Variants in EYS observed in about 807,000 individuals in gnomAD.
EYS encodes EGF-like photoreceptor maintenance factor, also known as protein eyes shut homolog.
Under a neutral mutation model 282.1 loss-of-function variants are expected in EYS, and 250 were observed. The ratio of observed to expected loss-of-function variants is 0.89; its 90% confidence interval spans 0.80 to 0.98. The LOEUF is 0.98. Among genes scored for constraint, EYS ranks in the 50% least tolerant of loss-of-function variants. EYS has a pLI of 0.00. For synonymous variants in EYS, 1,355 were observed against 1,282.9 expected, an observed-to-expected ratio of 1.06 and a Z score of -1.20; for missense variants, 4,016 against 3,709.0, an observed-to-expected ratio of 1.08 and a Z score of -2.15.
At chr6:65,566,889 A>G (rs554311804) in intron 2 of EYS, among the ~76,000 whole-genome samples, 3 of 152,326 alleles carry the variant, frequency 2.0e-5, no homozygotes, top group Non-Finnish European at 4.4e-5. Context: ...ATTTTTAAAA[A>G]TCAAAGAAAA....
chr6:64,899,013 C>T (rs1767564882), intron 18 of EYS, among the ~76,000 whole-genome samples: 1 of 151,968 alleles, frequency 6.6e-6, no homozygotes, highest in South Asian at 2.1e-4. Flanking sequence ...TAGTGAGAGA[C>T]TTTAACACCC....
At chr6:65,329,966 A>C in intron 11 of EYS, 1 of 978,340 alleles carries the variant, frequency 1.0e-6, no homozygotes, top group Non-Finnish European at 1.2e-6. Context: ...AACATTACAC[A>C]GAAAATGTGA....
intron 12 of EYS, among the ~76,000 whole-genome samples, chr6:65,099,574 C>A (rs1447322695): frequency 6.6e-6 from 1 of 150,428 alleles, no homozygotes; most frequent in Non-Finnish European, 1.5e-5. Context: ...TGGGGATGAA[C>A]ACTGCAAAAT....
At chr6:65,524,053 G>A (rs1430855197) in intron 2 of EYS, among the ~76,000 whole-genome samples, 1 of 152,150 alleles carries the variant, frequency 6.6e-6, no homozygotes, top group Non-Finnish European at 1.5e-5. Context: ...TGTATTTTTA[G>A]TAGAGACGGG....
intron 30 of EYS, among the ~76,000 whole-genome samples, chr6:64,233,295 C>T (rs993320528): frequency 6.6e-6 from 1 of 152,046 alleles, no homozygotes; most frequent in Non-Finnish European, 1.5e-5. Context: ...AATTTCATAT[C>T]TGATATATGA....
chr6:65,356,621 T>C (rs752070049), intron 8 of EYS, among the ~76,000 whole-genome samples: 16 of 152,048 alleles, frequency 1.1e-4, no homozygotes, highest in Non-Finnish European at 1.8e-4. Context: ...TCTGTACTTA[T>C]ACCCTTCTAT....
chr6:64,828,353 C>T (rs1583200189), intron 19 of EYS, among the ~76,000 whole-genome samples: 5 of 151,920 alleles, frequency 3.3e-5, no homozygotes, highest in Middle Eastern at 3.4e-3. Flanking sequence ...AAAGAGATAA[C>T]GGACATGGAT....
chr6:65,154,146 T>C (rs1054971364), intron 12 of EYS, among the ~76,000 whole-genome samples: 1 of 151,790 alleles, frequency 6.6e-6, no homozygotes, highest in Non-Finnish European at 1.5e-5. Context: ...TGCCAACTCC[T>C]ACCACATATA....
At chr6:65,481,745 T>C (rs1765614159) in intron 5 of EYS, among the ~76,000 whole-genome samples, 1 of 152,060 alleles carries the variant, frequency 6.6e-6, no homozygotes, top group Admixed American at 6.6e-5. Flanking sequence ...TTATTTTTTA[T>C]TTTTTTAGGA....
intron 9 of EYS, among the ~76,000 whole-genome samples, chr6:65,345,923 T>G (rs1357641833): frequency 6.6e-6 from 1 of 151,766 alleles, no homozygotes; most frequent in Admixed American, 6.6e-5. Flanking sequence ...TGCTCTGGGT[T>G]TAAAAAGCAT....
intron 33 of EYS, among the ~76,000 whole-genome samples, chr6:64,043,268 G>T (rs903097775): frequency 3.3e-5 from 5 of 152,142 alleles, no homozygotes; most frequent in South Asian, 2.1e-4. Flanking sequence ...AGTATAATTG[G>T]TACAGCCTTC....
At chr6:64,561,762 A>G (rs1419866145) in intron 26 of EYS, among the ~76,000 whole-genome samples, 1 of 152,052 alleles carries the variant, frequency 6.6e-6, no homozygotes, top group Admixed American at 6.6e-5. Flanking sequence ...AAAGCAATTT[A>G]CAGATGTAAT....
intron 33 of EYS, among the ~76,000 whole-genome samples, chr6:64,031,100 C>A (rs1174132920): frequency 6.6e-6 from 1 of 152,222 alleles, no homozygotes; most frequent in Non-Finnish European, 1.5e-5. Context: ...TGTGGGAGCC[C>A]CTTTCTGGTC....
chr6:64,180,703 C>T (rs1288628754), intron 31 of EYS, among the ~76,000 whole-genome samples: 1 of 152,060 alleles, frequency 6.6e-6, no homozygotes, highest in Admixed American at 6.6e-5. Flanking sequence ...GTGAACTCTA[C>T]AAGTATTTAC....
chr6:64,244,436 C>A (rs978403815), intron 30 of EYS, among the ~76,000 whole-genome samples: 6 of 152,048 alleles, frequency 3.9e-5, no homozygotes, highest in Non-Finnish European at 7.4e-5. Flanking sequence ...TTAAGAAGTT[C>A]CCTTTGTCTT....
chr6:64,438,553 T>C (rs1774827005), intron 27 of EYS, among the ~76,000 whole-genome samples: 1 of 151,534 alleles, frequency 6.6e-6, no homozygotes, highest in Admixed American at 6.6e-5. Flanking sequence ...AGACTCTACC[T>C]GCCCTTAAGG....
chr6:64,372,436 G>C (rs1772415237), intron 29 of EYS, among the ~76,000 whole-genome samples: 1 of 151,922 alleles, frequency 6.6e-6, no homozygotes, highest in Non-Finnish European at 1.5e-5. Flanking sequence ...ATCCTCTGTG[G>C]GTAACCTGCC....
At chr6:64,983,344 T>C (rs770001562) in intron 14 of EYS, among the ~76,000 whole-genome samples, 1 of 151,274 alleles carries the variant, frequency 6.6e-6, no homozygotes, top group African/African-American at 2.4e-5. Flanking sequence ...AACTGCATTA[T>C]GTCAATTAAT....
At chr6:64,879,625 A>G (rs1766854201) in intron 19 of EYS, among the ~76,000 whole-genome samples, 1 of 152,114 alleles carries the variant, frequency 6.6e-6, no homozygotes, top group South Asian at 2.1e-4. Context: ...AATATTAACA[A>G]TGTAATAGAG....
Sources: gnomAD v4.1 joint callset for allele counts (sites outside exome capture counted in the v4.1 genomes callset) on GRCh38, gnomAD v4.1.1 for gene constraint, MANE v1.5 for transcripts, NCBI Gene and HGNC (gene_info 2026-07-23, HGNC 2026-07-21) for gene names.